The following TRMT44 variants were observed in gnomAD, a reference collection of about 807,000 sequenced individuals.
The protein encoded by TRMT44 is probable tRNA (uracil-O(2)-)-methyltransferase.
Under a neutral mutation model 77.3 loss-of-function variants are expected in TRMT44, and 78 were observed. The observed-to-expected ratio is 1.01, with a 90% CI of 0.84 to 1.22. The LOEUF (loss-of-function observed/expected upper bound fraction) is 1.22, where lower values mean the gene tolerates loss of function less well. TRMT44 is among the 50% of genes most tolerant of loss of function. The pLI is 0.00. For synonymous variants in TRMT44, 391 were observed against 383.3 expected (o/e 1.02, Z -0.23); for missense variants, 1,090 against 964.4 (o/e 1.13, Z -1.73).
In TRMT44 at chr4:8,468,276, A is replaced by G. The variant is rs763906118; in HGVS notation, c.1857A>G (p.Leu619=). Residue 619 remains leucine (L), a synonymous_variant, in exon 9 of 11, where the codon TTA becomes TTG. Coordinates refer to ENST00000389737, the MANE Select transcript of TRMT44 (RefSeq NM_152544.3). ...IDQVVLQVAN[L]LLGGKQLNTR... is the part of the protein sequence containing the mutation. Reference sequence around the variant, plus strand: ...AAGTGGTTTTGCAAGTAGCGAATTTACTGTTAGGTGGAAAGCAATTAAACA... The same window carrying G: ...AAGTGGTTTTGCAAGTAGCGAATTTGCTGTTAGGTGGAAAGCAATTAAACA... 1.9e-6 allele frequency: 3 copies of G among 1,614,246 alleles called. No homozygotes were observed. The East Asian group carries it at 6.7e-5, about 36-fold the overall frequency.
rs1420226976 is a variant in TRMT44 at position 8,449,779 on chromosome 4, C to CT, written c.846dup (p.Val283CysfsTer7). On this transcript the variant is annotated frameshift_variant, in exon 3 of 11. Transcript: ENST00000389737. LOFTEE classifies it high-confidence loss of function. ...TTGCTGGCCAAGTTGGCCAAGTGGT[C>CT]TGTAGAGAACAAGAAGAGTGACTTT... 1 of 1,535,948 alleles carries CT rather than the reference C, an allele frequency of 6.5e-7. No individual in the cohort carries two copies. Among genetic ancestry groups the CT allele is most frequent in the Non-Finnish European group, 8.7e-7 (1 of 1,146,880 alleles).
intron 6 of TRMT44, among the ~76,000 whole-genome samples, chr4:8,463,057 G>C (rs1726270120): frequency 6.6e-6 from 1 of 152,214 alleles, no homozygotes; most frequent in African/African-American, 2.4e-5. Flanking sequence ...TACTTACCAT[G>C]TCTGTAAAAC....
the TRMT44 span, among the ~76,000 whole-genome samples, chr4:8,502,199 A>G: frequency 6.6e-6 from 1 of 152,182 alleles, no homozygotes; most frequent in Non-Finnish European, 1.5e-5. Flanking sequence ...CTCTGCCAGG[A>G]ATGACTCCAG....
At chr4:8,484,445 T>G (rs568031199) in intron 2 of TRMT44, among the ~76,000 whole-genome samples, 1 of 152,192 alleles carries the variant, frequency 6.6e-6, no homozygotes, top group African/African-American at 2.4e-5. Context: ...TTGAGCATAG[T>G]TTGTGATTTT....
At chr4:8,471,324 C>T (rs550107507) in intron 10 of TRMT44, 124 bp downstream of exon 10, 100 of 634,256 alleles carry the variant, frequency 1.6e-4, no homozygotes, top group African/African-American at 4.3e-4. Context: ...GCAAGTTCCG[C>T]GGTGCCCCAC....
rs1240493879 is a variant in TRMT44 at position 8,446,553 on chromosome 4, G to C, written c.697G>C (p.Val233Leu). Residue 233 changes from valine (V) to leucine (L), a missense_variant, in exon 2 of 11, where the codon GTG (valine) becomes CTG (leucine). By Grantham distance (32) the Val-to-Leu change is conservative. Transcript: ENST00000389737. The surrounding 1 kb of genome is among the most constrained non-coding windows in gnomAD (Gnocchi z 4.3). ...GAACCTAAAGGTTAAGATGAGCAAT[G>C]TGTATCAAATTCAGCTCAGTCATAG... Reference protein sequence around the residue: ...EGNLKVKMSNVYQIQLSHSKE... With the variant: ...EGNLKVKMSNLYQIQLSHSKE... The C allele has an allele frequency of 1.2e-5, 19 of 1,536,182 alleles. No homozygotes were observed. Among genetic ancestry groups the C allele is most frequent in the Non-Finnish European group, 1.7e-5 (19 of 1,146,872 alleles).
downstream of TRMT44, among the ~76,000 whole-genome samples, chr4:8,496,469 GT>G (rs1400313660): frequency 6.6e-6 from 1 of 152,178 alleles, no homozygotes; most frequent in Non-Finnish European, 1.5e-5. Context: ...AGGAGTGTGT[GT>G]TTGCATCTCA....
the TRMT44 span, among the ~76,000 whole-genome samples, chr4:8,515,908 G>A: frequency 6.6e-5 from 10 of 152,178 alleles, no homozygotes; most frequent in Non-Finnish European, 1.3e-4. Flanking sequence ...TAAGAAGTGG[G>A]AAGTGCCTGA....
chr4:8,498,193 C>T (rs2109246310), downstream of TRMT44, among the ~76,000 whole-genome samples: 1 of 152,284 alleles, frequency 6.6e-6, no homozygotes, highest in East Asian at 1.9e-4. This position sits in a 1 kb window ranked among gnomAD's most constrained non-coding sequence, Gnocchi z 4.3. Flanking sequence ...TCCCCTGACT[C>T]CTCAGGGTAT....
the TRMT44 span, among the ~76,000 whole-genome samples, chr4:8,506,620 G>A: frequency 6.6e-6 from 1 of 152,224 alleles, no homozygotes; most frequent in Non-Finnish European, 1.5e-5. Context: ...GCTGGGAGGT[G>A]ATGGCTCTGC....
At position 8,476,124 on chromosome 4, in the gene TRMT44, C is replaced by T. The variant is rs538705311; in HGVS notation, c.*123C>T. 4.8e-6 allele frequency: 4 copies of T among 833,588 alleles called. No individual in the cohort carries two copies. In the South Asian group the frequency reaches 6.7e-5, roughly 14 times the overall value. 51.6% of individuals were successfully genotyped at this position (833,588 alleles called of 1,614,324 possible). A position where few individuals can be genotyped will look rare whatever the true frequency, so the allele number is the denominator to read the frequency against. On this transcript the variant is annotated 3_prime_UTR_variant, in exon 11 of 11. Transcript: ENST00000389737. ...TCAGCCCACCTCCTCCCAGCTTTCTCCACATCCTCACAGTGATGAACCGTA... is the reference window on the plus strand; with the variant it reads ...TCAGCCCACCTCCTCCCAGCTTTCTTCACATCCTCACAGTGATGAACCGTA...
rs548610229 is a variant in TRMT44, at chr4:8,452,255, C to T, written c.1023+227C>T. Among the ~76,000 whole-genome samples, 27 of 152,292 alleles carry T rather than the reference C, an allele frequency of 1.8e-4. No individual in the cohort carries two copies. The highest frequency in any genetic ancestry group is 6.3e-4 in the African/African-American group (26 of 41,564). ...CTCGGGTTCCAACTTGACCTGCAGG[C>T]GGAACTGTACGTCCACACTCAGCAG... On this transcript the variant is annotated intron_variant, in intron 4 of 10. Transcript: ENST00000389737. The surrounding 1 kb of genome is among the most constrained non-coding windows in gnomAD (Gnocchi z 5.7).
Position 8,475,845 on chromosome 4 carries a change from A to G in TRMT44, c.2118A>G (p.Lys706=). ...TLWKTKQPEA[K]QRLLSEACKT... is the part of the protein sequence containing the mutation. ...GGAAGACAAAGCAACCGGAAGCGAA[A>G]CAGAGACTGCTCTCTGAAGCCTGCA... Residue 706 remains lysine, a synonymous_variant, in exon 11 of 11, where the codon AAA becomes AAG. Coordinates refer to ENST00000389737, the MANE Select transcript of TRMT44 (RefSeq NM_152544.3). 6.2e-7 allele frequency: 1 copy of G among 1,614,142 alleles called. No individual in the cohort carries two copies. The highest frequency in any genetic ancestry group is 8.5e-7 in the Non-Finnish European group (1 of 1,180,040).
intron 9 of TRMT44, 192 bp downstream of exon 9, chr4:8,468,538 A>G: frequency 1.6e-6 from 1 of 616,310 alleles, no homozygotes; most frequent in Non-Finnish European, 2.8e-6. Flanking sequence ...TATAAACATA[A>G]AGGACTTTGT....
At chr4:8,488,899 A>G (rs750679940) in intron 2 of TRMT44, among the ~76,000 whole-genome samples, 2 of 152,232 alleles carry the variant, frequency 1.3e-5, no homozygotes, top group Non-Finnish European at 2.9e-5. Flanking sequence ...TGGAGGGGGA[A>G]CCACTGCGAC....
rs557304950 is a variant in TRMT44, at chr4:8,491,701, C to T, written n.3892-1565C>T. Reference sequence around the variant, plus strand: ...GGCCAGCAGGGCTGGCCGGCTGCTCCGAGTGCAGGCCCGCCAAACCCACGC... The same window carrying T: ...GGCCAGCAGGGCTGGCCGGCTGCTCTGAGTGCAGGCCCGCCAAACCCACGC... On this transcript the variant is annotated intron_variant and non_coding_transcript_variant, in intron 2 of 2. Coordinates refer to the TRMT44 transcript ENST00000511366. Among the ~76,000 whole-genome samples, 139 of 152,340 alleles carry T rather than the reference C, an allele frequency of 9.1e-4. 1 individual carries two copies. The highest frequency in any genetic ancestry group is 8.2e-3 in the Admixed American group (125 of 15,300).
chr4:8,463,427 T>G (rs1190029161), intron 6 of TRMT44, among the ~76,000 whole-genome samples: 7 of 152,220 alleles, frequency 4.6e-5, no homozygotes, highest in Non-Finnish European at 8.8e-5. Context: ...AGGGGGATCT[T>G]AATCACTTTC....
At chr4:8,505,235 C>G in the TRMT44 span, among the ~76,000 whole-genome samples, 9 of 152,232 alleles carry the variant, frequency 5.9e-5, no homozygotes, top group African/African-American at 1.9e-4. Flanking sequence ...TGACTCCTCA[C>G]CCCTCAGAGC....
In TRMT44 at chr4:8,445,796, A is replaced by G. The variant is rs371733773; in HGVS notation, c.620-680A>G. ...TGTGGAAGGTGAACCACAGTTGTGC[A>G]TATTTGGCCTGTGAAGTGTATATTC... On this transcript the variant is annotated intron_variant, in intron 1 of 10. Transcript: ENST00000389737. Among the ~76,000 whole-genome samples the G allele has an allele frequency of 9.2e-5, 14 of 152,298 alleles. No individual in the cohort carries two copies. In the East Asian group the frequency reaches 2.5e-3, roughly 27 times the overall value.
Sources: allele counts gnomAD v4.1 joint callset (sites outside exome capture counted in the v4.1 genomes callset), GRCh38; gene constraint gnomAD v4.1.1; non-coding constraint Gnocchi (gnomAD v3.1); transcripts MANE v1.5; gene names NCBI Gene and HGNC (gene_info 2026-07-23, HGNC 2026-07-21).